The following ARRB1 variants were observed in gnomAD, a reference collection of about 807,000 sequenced individuals.
The protein encoded by ARRB1 is arrestin beta 1.
A neutral mutation model predicts 56.8 loss-of-function variants in ARRB1; 21 were observed. That is an observed-to-expected ratio of 0.37 (90% CI 0.26 to 0.53). The LOEUF is 0.53. Ranked by LOEUF, ARRB1 falls within the 20% of genes least tolerant of loss-of-function variation. The pLI is 0.88. For synonymous variants in ARRB1, 210 were observed against 218.6 expected, an observed-to-expected ratio of 0.96 and a Z score of 0.35; for missense variants, 424 against 553.7, an observed-to-expected ratio of 0.77 and a Z score of 2.35.
intron 5 of ARRB1, among the ~76,000 whole-genome samples, chr11:75,282,471 A>G (rs959075375): frequency 2.6e-5 from 4 of 152,218 alleles, no homozygotes; most frequent in Non-Finnish European, 5.9e-5. Context: ...TCTGAGCCAC[A>G]GTGATGGGAT....
chr11:75,325,854 G>A (rs541264948), intron 1 of ARRB1, among the ~76,000 whole-genome samples: 55 of 152,206 alleles, frequency 3.6e-4, no homozygotes, highest in African/African-American at 1.3e-3. Flanking sequence ...ATCCCTTCTG[G>A]ACCTCACGCC....
chr11:75,326,663 G>A (rs188160018), intron 1 of ARRB1, among the ~76,000 whole-genome samples: 180 of 149,752 alleles, frequency 1.2e-3, no homozygotes, highest in Admixed American at 2.1e-3. Context: ...TCACCCTAAC[G>A]CCCATGTCTC....
intron 5 of ARRB1, among the ~76,000 whole-genome samples, chr11:75,282,895 A>C (rs1591913768): frequency 2.0e-5 from 3 of 152,372 alleles, no homozygotes; most frequent in South Asian, 2.1e-4. Flanking sequence ...TGGGGCAGAC[A>C]GATCACCTAC....
intron 1 of ARRB1, among the ~76,000 whole-genome samples, chr11:75,350,568 C>T (rs1478492714): frequency 6.6e-6 from 1 of 152,200 alleles, no homozygotes; most frequent in East Asian, 1.9e-4. Flanking sequence ...GGCTGTCCTG[C>T]TCCAGCCCCC....
intron 15 of ARRB1, 149 bp from the exon 16 acceptor site, chr11:75,266,423 A>G (rs1253790145): frequency 4.6e-6 from 3 of 657,456 alleles, no homozygotes; most frequent in Non-Finnish European, 5.4e-6. Flanking sequence ...GGGGCTGACC[A>G]TGAGCAGAAA....
chr11:75,306,489 A>G lies in ARRB1; in HGVS notation c.21-16450T>C, dbSNP rs56015415. 10,861 of 820,394 alleles carry G rather than the reference A, an allele frequency of 0.013. 903 individuals are homozygous for G. In the African/African-American group the frequency reaches 0.18, roughly 13 times the overall value. 50.8% of individuals were successfully genotyped at this position (820,394 alleles called of 1,614,324 possible). ...GCACATCTCATGGAGAGAGGAAGAA[A>G]TCATGTAAATCCCAGAAAGAGAGGA... On this transcript the variant is annotated intron_variant, in intron 1 of 15. Transcript: ENST00000420843.
At chr11:75,273,616 G>A (rs577725591) in intron 11 of ARRB1, among the ~76,000 whole-genome samples, 2 of 152,334 alleles carry the variant, frequency 1.3e-5, no homozygotes, top group South Asian at 4.1e-4. Flanking sequence ...CTCTGCTGGA[G>A]CAGAGTAGCC....
chr11:75,267,782 C>G (rs777892688), intron 14 of ARRB1, 79 bp from the exon 15 acceptor site: 45 of 1,257,518 alleles, frequency 3.6e-5, no homozygotes, highest in Non-Finnish European at 4.7e-5. Context: ...CAGGCCCCCA[C>G]CCTGGGACAA....
rs1565100326 is a variant in ARRB1 at position 75,266,136 on chromosome 11, A to G, written c.*27T>C. 1 of 1,566,140 alleles carries G rather than the reference A, an allele frequency of 6.4e-7. No individual in the cohort carries two copies. The highest frequency in any genetic ancestry group is 1.3e-5 in the African/African-American group (1 of 74,078). On this transcript the variant is annotated 3_prime_UTR_variant, in exon 16 of 16. Coordinates refer to ENST00000420843, the MANE Select transcript of ARRB1 (RefSeq NM_004041.5). The stretch of plus-strand genomic sequence containing the variant: ...TCCGAGTGCACGAGAGTGGAGCCGG[A>G]GCCACGTGGAGGCAGGGCCGGCCCG...
chr11:75,315,026 C>T (rs1197755031), intron 1 of ARRB1, among the ~76,000 whole-genome samples: 3 of 152,188 alleles, frequency 2.0e-5, no homozygotes, highest in Non-Finnish European at 2.9e-5. Flanking sequence ...GCACTCGGGA[C>T]GCCTGGGTCC....
At chr11:75,318,374 G>C (rs533250024) in intron 1 of ARRB1, among the ~76,000 whole-genome samples, 1 of 152,106 alleles carries the variant, frequency 6.6e-6, no homozygotes, top group South Asian at 2.1e-4. Context: ...GCCCAGGCTA[G>C]TCCTGAACTC....
At chr11:75,280,429 G>T (rs1020609116) in intron 7 of ARRB1, among the ~76,000 whole-genome samples, 8 of 152,216 alleles carry the variant, frequency 5.3e-5, no homozygotes, top group African/African-American at 1.9e-4. Context: ...GCACATCAGC[G>T]TCGAGGGCCC....
Position 75,271,568 on chromosome 11 carries a change from A to G in ARRB1, c.1022+133T>C, listed in dbSNP as rs1478227196. 6.0e-6 allele frequency: 6 copies of G among 1,007,056 alleles called. No homozygotes were observed. The Admixed American group carries it at 1.5e-4, about 25-fold the overall frequency. The allele number at this position is 1,007,056 out of a possible 1,614,324, so 62.4% of individuals were successfully genotyped here. Reference sequence around the variant, plus strand: ...GGAGAAATTGTGTCTCCCAGCTCACACCTGAACCTGGCTATCTGAAATGAC... The same window carrying G: ...GGAGAAATTGTGTCTCCCAGCTCACGCCTGAACCTGGCTATCTGAAATGAC... On this transcript the variant is annotated intron_variant, in intron 13 of 15. Coordinates refer to ENST00000420843, the MANE Select transcript of ARRB1 (RefSeq NM_004041.5).
At chr11:75,273,057 G>A in intron 11 of ARRB1, 79 bp from the exon 12 acceptor site, 3 of 1,252,148 alleles carry the variant, frequency 2.4e-6, no homozygotes, top group South Asian at 1.2e-5. Flanking sequence ...ATGCTGGGGG[G>A]CAGTGGCCGT....
In ARRB1 at chr11:75,306,466, A is replaced by T. The variant is rs147397456; in HGVS notation, c.21-16427T>A. ...CTGGTGCGCAGGAAGCACTCAATGC[A>T]CATCTCATGGAGAGAGGAAGAAATC... On this transcript the variant is annotated intron_variant, in intron 1 of 15. Coordinates refer to ENST00000420843, the MANE Select transcript of ARRB1 (RefSeq NM_004041.5). 1,989 of 662,416 alleles carry T rather than the reference A, an allele frequency of 3.0e-3. 16 individuals carry two copies. Among genetic ancestry groups the T allele is most frequent in the South Asian group, 8.9e-3 (614 of 68,658 alleles). The allele number at this position is 662,416 out of a possible 1,614,324, so 41.0% of individuals were successfully genotyped here. A position where few individuals can be genotyped will look rare whatever the true frequency, so the allele number is the denominator to read the frequency against.
At chr11:75,335,074 G>T in intron 1 of ARRB1, 1 of 180,516 alleles carries the variant, frequency 5.5e-6, no homozygotes, top group Non-Finnish European at 1.4e-5. Flanking sequence ...GGAAGCTGAA[G>T]CTGCATCAGC....
intron 1 of ARRB1, among the ~76,000 whole-genome samples, chr11:75,306,391 C>T (rs114167831): frequency 0.011 from 1,636 of 152,308 alleles, 31 homozygotes; most frequent in African/African-American, 0.037. Flanking sequence ...CCCCCATCTC[C>T]ACCCCGCACT....
chr11:75,299,970 G>A (rs1946857433), intron 1 of ARRB1, among the ~76,000 whole-genome samples: 1 of 152,114 alleles, frequency 6.6e-6, no homozygotes, highest in African/African-American at 2.4e-5. Context: ...ACTTTAGGAG[G>A]CCGAGGGGGG....
chr11:75,338,864 A>C (rs1947652881), intron 1 of ARRB1, among the ~76,000 whole-genome samples: 1 of 152,240 alleles, frequency 6.6e-6, no homozygotes, highest in South Asian at 2.1e-4. Context: ...ACCCTGGGGC[A>C]ATAGAGACCC....
Sources: allele counts gnomAD v4.1 joint callset (sites outside exome capture counted in the v4.1 genomes callset), GRCh38; gene constraint gnomAD v4.1.1; transcripts MANE v1.5; gene names NCBI Gene and HGNC (gene_info 2026-07-23, HGNC 2026-07-21).